Variants in PROS1 observed in about 807,000 individuals in gnomAD.
PROS1 encodes the protein vitamin K-dependent protein S.
Under a neutral mutation model 75.9 loss-of-function variants are expected in PROS1, and 29 were observed. The observed-to-expected ratio is 0.38, with a 90% confidence interval of 0.28 to 0.52. The LOEUF (loss-of-function observed/expected upper bound fraction) is 0.52, where lower values mean the gene tolerates loss of function less well. Among genes scored for constraint, PROS1 ranks in the 20% least tolerant of loss-of-function variants. PROS1 has a pLI of 0.83. For missense variants in PROS1, 680 were observed against 810.3 expected (o/e 0.84, Z 1.95); for synonymous variants, 245 against 280.6 (o/e 0.87, Z 1.27).
chr3:93,905,100 A>G (rs900838594), intron 6 of PROS1, among the ~76,000 whole-genome samples: 7 of 152,212 alleles, frequency 4.6e-5, no homozygotes, highest in African/African-American at 1.7e-4. Flanking sequence ...AGGTTATTGC[A>G]GTGGATTTCT....
At chr3:93,918,491 T>C (rs1219508619) in intron 3 of PROS1, among the ~76,000 whole-genome samples, 1 of 151,892 alleles carries the variant, frequency 6.6e-6, no homozygotes, top group Non-Finnish European at 1.5e-5. Context: ...ACCACGAAGG[T>C]CCGAAGCTTC....
At chr3:93,876,429 A>G (rs1011563716) in intron 14 of PROS1, among the ~76,000 whole-genome samples, 1 of 151,952 alleles carries the variant, frequency 6.6e-6, no homozygotes, top group African/African-American at 2.4e-5. Context: ...TCTACTAAAA[A>G]TACAAAAAGA....
chr3:93,917,104 T>C (rs1402354664), intron 3 of PROS1, among the ~76,000 whole-genome samples: 1 of 152,188 alleles, frequency 6.6e-6, no homozygotes, highest in East Asian at 1.9e-4. Flanking sequence ...CAAGGCTGAG[T>C]TATTCATACC....
At chr3:93,890,874 G>A (rs1227841634) in intron 10 of PROS1, among the ~76,000 whole-genome samples, 2 of 152,150 alleles carry the variant, frequency 1.3e-5, no homozygotes, top group Non-Finnish European at 2.9e-5. Flanking sequence ...GGGAGGCTGA[G>A]GAGAATTGAT....
At chr3:93,888,187 G>A (rs988218841) in intron 10 of PROS1, among the ~76,000 whole-genome samples, 11 of 152,094 alleles carry the variant, frequency 7.2e-5, no homozygotes, top group African/African-American at 2.2e-4. Flanking sequence ...TATTTGTTTT[G>A]TTCATATCTT....
chr3:93,929,671 A>G (rs534061850), intron 1 of PROS1, among the ~76,000 whole-genome samples: 116 of 152,372 alleles, frequency 7.6e-4, no homozygotes, highest in African/African-American at 2.7e-3. Flanking sequence ...ATATGTAAAT[A>G]TCATGTGGAA....
intron 1 of PROS1, among the ~76,000 whole-genome samples, chr3:93,957,055 A>C (rs542058896): frequency 6.6e-6 from 1 of 152,176 alleles, no homozygotes; most frequent in African/African-American, 2.4e-5. Flanking sequence ...TCATTACAAT[A>C]TAATTGATAT....
intron 9 of PROS1, among the ~76,000 whole-genome samples, chr3:93,894,927 A>G (rs1172947210): frequency 6.6e-6 from 1 of 152,198 alleles, no homozygotes; most frequent in African/African-American, 2.4e-5. Context: ...TTCTGATCCC[A>G]TGTTAGAGAT....
At chr3:93,960,532 CTTTTTTTTTTTT>C (rs774875701) in intron 1 of PROS1, among the ~76,000 whole-genome samples, 18 of 50,116 alleles carry the variant, frequency 3.6e-4, no homozygotes, top group African/African-American at 9.3e-4. Flanking sequence ...CTCCATTGCT[CTTTTTTTTTTTT>C]TTTTTTTTTT....
intron 1 of PROS1, among the ~76,000 whole-genome samples, chr3:93,933,656 G>T (rs1349913020): frequency 6.6e-6 from 1 of 152,114 alleles, no homozygotes; most frequent in Non-Finnish European, 1.5e-5. Context: ...TGGCGTGGTG[G>T]CCCACACCTG....
At chr3:93,948,132 G>A (rs537042665) in intron 1 of PROS1, among the ~76,000 whole-genome samples, 6 of 152,064 alleles carry the variant, frequency 3.9e-5, no homozygotes, top group Non-Finnish European at 8.8e-5. Context: ...ATCAAAGATC[G>A]CCAGATATTT....
At chr3:93,918,549 G>C (rs576731219) in intron 3 of PROS1, among the ~76,000 whole-genome samples, 1 of 152,052 alleles carries the variant, frequency 6.6e-6, no homozygotes, top group East Asian at 1.9e-4. Context: ...AAGAAACTCC[G>C]AACATCAGAA....
intron 1 of PROS1, among the ~76,000 whole-genome samples, chr3:93,942,947 C>T (rs1709311688): frequency 6.6e-6 from 1 of 152,146 alleles, no homozygotes; most frequent in African/African-American, 2.4e-5. Flanking sequence ...ACTGAAATAC[C>T]TCTTGGTCTG....
At chr3:93,884,705 G>A (rs1356034502) in intron 12 of PROS1, 23 bp downstream of exon 12, 1 of 1,593,810 alleles carries the variant, frequency 6.3e-7, no homozygotes, top group East Asian at 2.2e-5. Context: ...TGAGAAAATA[G>A]AGATAAATGG....
At chr3:93,900,528 AAT>A (rs2107161463) in intron 7 of PROS1, among the ~76,000 whole-genome samples, 1 of 152,278 alleles carries the variant, frequency 6.6e-6, no homozygotes, top group South Asian at 2.1e-4. Flanking sequence ...ATGATGTGAA[AAT>A]ATGTTTATCT....
At chr3:93,882,856 G>A in intron 12 of PROS1, among the ~76,000 whole-genome samples, 1 of 152,132 alleles carries the variant, frequency 6.6e-6, no homozygotes, top group East Asian at 1.9e-4. Context: ...GCCCCATCTA[G>A]ATCCTTCTCG....
At chr3:93,932,553 C>G (rs2082386068) in intron 1 of PROS1, among the ~76,000 whole-genome samples, 1 of 152,080 alleles carries the variant, frequency 6.6e-6, no homozygotes, top group South Asian at 2.1e-4. Context: ...ATTTTTTTAA[C>G]TTATCTGAGT....
In PROS1 at chr3:93,957,341, G is replaced by C. The variant is rs949186570; in HGVS notation, c.76+16333C>G. On this transcript the variant is annotated intron_variant, in intron 1 of 14. Transcript: ENST00000394236. ...AGAGCAAAATGTTACATTGGTCTCTGGTCAGTGGTACTACAGATGCATTTT... is the reference window on the plus strand; with the variant it reads ...AGAGCAAAATGTTACATTGGTCTCTCGTCAGTGGTACTACAGATGCATTTT... Among the ~76,000 whole-genome samples the C allele has an allele frequency of 2.6e-5, 4 of 152,244 alleles. No individual in the cohort carries two copies. In the South Asian group the frequency reaches 6.2e-4, roughly 24 times the overall value.
chr3:93,900,160 G>A (rs892363217), intron 7 of PROS1, among the ~76,000 whole-genome samples: 1 of 152,166 alleles, frequency 6.6e-6, no homozygotes, highest in Non-Finnish European at 1.5e-5. Context: ...ACTATAATAT[G>A]TTGAAGCTTC....
Sources: gnomAD v4.1 joint callset for allele counts (sites outside exome capture counted in the v4.1 genomes callset) on GRCh38, gnomAD v4.1.1 for gene constraint, MANE v1.5 for transcripts, NCBI Gene and HGNC (gene_info 2026-07-23, HGNC 2026-07-21) for gene names.